OCLN: variants seen among roughly 807,000 people sequenced by gnomAD.
OCLN encodes the protein phosphatase 1, regulatory subunit 115.
OCLN carries 21 observed loss-of-function variants against 47.9 expected under a neutral mutation model. The ratio of observed to expected loss-of-function variants is 0.44; its 90% CI spans 0.31 to 0.63. The LOEUF is 0.63. OCLN is among the 30% of genes least tolerant of loss of function. The pLI, the probability that OCLN is intolerant of heterozygous loss-of-function variation, is 0.08. For synonymous variants in OCLN, 117 were observed against 198.4 expected (o/e 0.59, Z 3.45); for missense variants, 360 against 571.0 (o/e 0.63, Z 3.77).
At chr5:69,524,590 C>T (rs1423778005) in intron 4 of OCLN, among the ~76,000 whole-genome samples, 2 of 152,112 alleles carry the variant, frequency 1.3e-5, no homozygotes, top group African/African-American at 4.8e-5. Context: ...ATTGTCTGGT[C>T]CTCTATTTTA....
At chr5:69,499,099 G>A (rs1768386122) in intron 1 of OCLN, among the ~76,000 whole-genome samples, 1 of 151,912 alleles carries the variant, frequency 6.6e-6, no homozygotes, top group African/African-American at 2.4e-5. Flanking sequence ...TATTTTTTTA[G>A]ACAGGGTATT....
intron 2 of OCLN, among the ~76,000 whole-genome samples, chr5:69,504,903 C>T (rs374144041): frequency 4.1e-5 from 6 of 147,352 alleles, no homozygotes; most frequent in Admixed American, 3.4e-4. Context: ...TGCAGTGAGC[C>T]GAGATCACGC....
intron 4 of OCLN, among the ~76,000 whole-genome samples, chr5:69,514,809 C>A (rs980221950): frequency 1.3e-5 from 2 of 152,184 alleles, no homozygotes; most frequent in African/African-American, 4.8e-5. Flanking sequence ...TGAGTGGACA[C>A]AGCACATGTT....
chr5:69,532,995 A>ATATATGTGTG (rs1561349585), intron 4 of OCLN, among the ~76,000 whole-genome samples: 1 of 48,910 alleles, frequency 2.0e-5, no homozygotes, highest in African/African-American at 1.0e-4. Context: ...ATATGTATGC[A>ATATATGTGTG]TGTATGTGTG....
chr5:69,554,434 C>A lies in OCLN; in HGVS notation c.*763C>A, dbSNP rs1267726696. 1 of 151,948 alleles carries A rather than the reference C, an allele frequency of 6.6e-6. No individual in the cohort carries two copies. The highest frequency in any genetic ancestry group is 1.5e-5 in the Non-Finnish European group (1 of 68,012). The allele number at this position is 151,948 out of a possible 1,614,324, so 9.4% of individuals were successfully genotyped here. Reference sequence around the variant, plus strand: ...CTTTTTGCATGCCTTTTTTAAAAAACCAACTAGAACTTTTCATTATATCAG... The same window carrying A: ...CTTTTTGCATGCCTTTTTTAAAAAAACAACTAGAACTTTTCATTATATCAG... On this transcript the variant is annotated 3_prime_UTR_variant, in exon 9 of 9. Coordinates refer to ENST00000396442, the MANE Select transcript of OCLN (RefSeq NM_001205254.2).
intron 4 of OCLN, among the ~76,000 whole-genome samples, chr5:69,530,204 A>G (rs1430660056): frequency 6.6e-6 from 1 of 152,212 alleles, no homozygotes; most frequent in East Asian, 1.9e-4. Flanking sequence ...GTGAAAATTA[A>G]AATATTTTTC....
rs57565533 is a variant in OCLN, at chr5:69,549,166, T to TA, written c.1425+1081dup. Among the ~76,000 whole-genome samples the TA allele has an allele frequency of 1.8e-3, 185 of 104,624 alleles. 3 individuals are homozygous for TA. The East Asian group carries it at 0.029, about 17-fold the overall frequency. The allele number at this position is 104,624 out of a possible 152,430, so 68.6% of individuals were successfully genotyped here. On this transcript the variant is annotated intron_variant, in intron 7 of 8. Coordinates refer to ENST00000396442, the MANE Select transcript of OCLN (RefSeq NM_001205254.2). Reference sequence around the variant, plus strand: ...TAACACAGTGAAACCCCGTCTCTACTAAAAAAAAAAAAAAAATACAAAAAA... The same window carrying TA: ...TAACACAGTGAAACCCCGTCTCTACTAAAAAAAAAAAAAAAAATACAAAAAA...
Position 69,509,381 on chromosome 5 carries a change from T to C in OCLN, c.291T>C (p.Leu97=). Residue 97 remains leucine, a synonymous_variant, in exon 3 of 9, where the codon CTT becomes CTC. Transcript: ENST00000396442. ...GGGACAGAGGCTATGGAACTTCCCT[T>C]TTAGGAGGTAGTGTAGGCTACCCTT... The part of the protein sequence containing the change: ...LAWDRGYGTS[L]LGGSVGYPYG... 1 of 1,614,166 alleles carries C rather than the reference T, an allele frequency of 6.2e-7. No individual in the cohort carries two copies. Among genetic ancestry groups the C allele is most frequent in the Non-Finnish European group, 8.5e-7 (1 of 1,180,022 alleles).
rs544167204 is a variant in OCLN, at chr5:69,536,813, G to A, written c.1037+1974G>A. Among the ~76,000 whole-genome samples the A allele has an allele frequency of 7.9e-4, 120 of 151,112 alleles. 1 individual carries two copies. The highest frequency in any genetic ancestry group is 1.9e-3 in the South Asian group (9 of 4,742). On this transcript the variant is annotated intron_variant, in intron 5 of 8. Transcript: ENST00000396442. ...GAAACCCCGTGTCTACTAAAAGTAC[G>A]AAAAATTAGCCGGGCATGGTGGCGG...
In OCLN at chr5:69,513,940, C is replaced by G. The variant is rs201381020; in HGVS notation, c.730-8C>G. 7 of 1,611,258 alleles carry G rather than the reference C, an allele frequency of 4.3e-6. No homozygotes were observed. The East Asian group carries it at 1.6e-4, about 36-fold the overall frequency. On this transcript the variant is annotated splice_region_variant and splice_polypyrimidine_tract_variant and intron_variant, in intron 3 of 8. Coordinates refer to ENST00000396442, the MANE Select transcript of OCLN (RefSeq NM_001205254.2). ...CTAATTATGCCAATATTTTCCACTC[C>G]TTTTTAGGCCATTGCCATTGTACTG...
intron 4 of OCLN, among the ~76,000 whole-genome samples, chr5:69,514,762 A>G (rs1768880989): frequency 6.6e-6 from 1 of 152,184 alleles, no homozygotes; most frequent in South Asian, 2.1e-4. Context: ...TCTGTTTAAC[A>G]AAGCACATCT....
chr5:69,530,857 A>G (rs1290570480), intron 4 of OCLN: 1 of 152,260 alleles, frequency 6.6e-6, no homozygotes, highest in African/African-American at 2.4e-5. Context: ...CATTGATAAA[A>G]TACTTGGGTA....
At chr5:69,523,650 C>G (rs1769201865) in intron 4 of OCLN, among the ~76,000 whole-genome samples, 1 of 151,870 alleles carries the variant, frequency 6.6e-6, no homozygotes, top group Admixed American at 6.6e-5. Context: ...ATTCTCCTGC[C>G]TCAGCCTCCT....
Position 69,493,079 on chromosome 5 carries a change from C to T in OCLN, c.-69+179C>T, listed in dbSNP as rs971183410. ...GAGAGGCGCGGGTCTGCGGAGAGAG[C>T]AGCACCGGCCAACTTGGGAGGCTGC... On this transcript the variant is annotated intron_variant, in intron 1 of 8. Coordinates refer to ENST00000396442, the MANE Select transcript of OCLN (RefSeq NM_001205254.2). This position sits in a 1 kb window ranked among gnomAD's most constrained non-coding sequence, Gnocchi z 5.3. Among the ~76,000 whole-genome samples the T allele has an allele frequency of 6.6e-6, 1 of 152,186 alleles. No homozygotes were observed. The highest frequency in any genetic ancestry group is 1.5e-5 in the Non-Finnish European group (1 of 68,018).
chr5:69,499,359 G>A (rs1169935341), intron 1 of OCLN, among the ~76,000 whole-genome samples: 1 of 152,104 alleles, frequency 6.6e-6, no homozygotes, highest in African/African-American at 2.4e-5. Context: ...ACAGGTGTGA[G>A]CCACTGTACC....
intron 4 of OCLN, among the ~76,000 whole-genome samples, chr5:69,515,576 G>T (rs1768927543): frequency 6.9e-6 from 1 of 144,444 alleles, no homozygotes; most frequent in African/African-American, 2.6e-5. Context: ...GCGGCTGGCC[G>T]GGCGGGGGGC....
In OCLN at chr5:69,557,631, G is replaced by C. The variant is rs878908458; in HGVS notation, c.*3960G>C. 1 of 85,242 alleles carries C rather than the reference G, an allele frequency of 1.2e-5. No individual in the cohort carries two copies. The highest frequency in any genetic ancestry group is 2.7e-5 in the African/African-American group (1 of 36,464). 5.3% of individuals were successfully genotyped at this position (85,242 alleles called of 1,614,324 possible). ...GATAAACAAATGCTTCTTTAGGTTA[G>C]AGCAAATAGTTTACTTATCAAGATC... On this transcript the variant is annotated 3_prime_UTR_variant, in exon 9 of 9. Transcript: ENST00000396442.
chr5:69,509,168 T>A lies in OCLN; in HGVS notation c.78T>A (p.Asn26Lys), dbSNP rs776567486. Residue 26 changes from asparagine (N) to lysine (K), a missense_variant, in exon 3 of 9, where the codon AAT becomes AAA. Asn to Lys is a moderately conservative substitution (Grantham distance 94, BLOSUM62 0). Transcript: ENST00000396442. ...AACCGAATCATTATGCACCAAGCAA[T>A]GACATATATGGTGGAGAGATGCATG... ...EFKPNHYAPS[N>K]DIYGGEMHVR... 7.4e-6 allele frequency: 12 copies of A among 1,614,070 alleles called. No homozygotes were observed. The highest frequency in any genetic ancestry group is 1.0e-5 in the Non-Finnish European group (12 of 1,179,884).
chr5:69,505,638 G>A (rs1049628705), intron 2 of OCLN, among the ~76,000 whole-genome samples: 7 of 152,138 alleles, frequency 4.6e-5, no homozygotes, highest in Admixed American at 3.3e-4. Context: ...CAGTGTTGAG[G>A]GGTTTTGGGC....
Sources: gnomAD v4.1 joint callset for allele counts (sites outside exome capture counted in the v4.1 genomes callset) on GRCh38, gnomAD v4.1.1 for gene constraint, Gnocchi (gnomAD v3.1) non-coding constraint, MANE v1.5 for transcripts, NCBI Gene and HGNC (gene_info 2026-07-23, HGNC 2026-07-21) for gene names.